Variants in KLHL1 observed in about 807,000 individuals in gnomAD.
KLHL1 encodes kelch-like protein 1.
In KLHL1, 47 loss-of-function variants were observed where a neutral mutation model predicts 77.7. That is an observed-to-expected ratio of 0.60 (90% CI 0.48 to 0.77). KLHL1 has a LOEUF of 0.77. Among genes scored for constraint, KLHL1 ranks in the 30% least tolerant of loss-of-function variants. KLHL1 has a pLI of 0.00. For synonymous variants in KLHL1, 360 were observed against 325.2 expected (o/e 1.11, Z -1.15); for missense variants, 925 against 910.8 (o/e 1.02, Z -0.20).
At chr13:69,814,440 A>C (rs936849408) in intron 6 of KLHL1, among the ~76,000 whole-genome samples, 1 of 152,186 alleles carries the variant, frequency 6.6e-6, no homozygotes, top group Non-Finnish European at 1.5e-5. Context: ...AAGCAAAAGA[A>C]ACTATCAACA....
At chr13:69,975,504 CTT>C in intron 2 of KLHL1, 114 bp downstream of exon 2, 5 of 934,606 alleles carry the variant, frequency 5.3e-6, no homozygotes, top group Non-Finnish European at 7.9e-6. Context: ...CAACAAAAAA[CTT>C]AAAAAAATGT....
chr13:69,832,688 G>A (rs751340260), intron 6 of KLHL1, among the ~76,000 whole-genome samples: 6 of 151,712 alleles, frequency 4.0e-5, no homozygotes, highest in Non-Finnish European at 5.9e-5. Flanking sequence ...AAGGCATCAC[G>A]TCACCCAACT....
At chr13:69,730,411 C>T (rs1038391708) in intron 8 of KLHL1, among the ~76,000 whole-genome samples, 4 of 151,956 alleles carry the variant, frequency 2.6e-5, no homozygotes, top group Admixed American at 1.3e-4. Flanking sequence ...AAAAACAATA[C>T]CAGGAATAAA....
At chr13:69,763,777 G>C (rs570767418) in intron 7 of KLHL1, among the ~76,000 whole-genome samples, 2 of 152,338 alleles carry the variant, frequency 1.3e-5, no homozygotes, top group Non-Finnish European at 2.9e-5. Context: ...GGAGTCACTA[G>C]TGCTAAATGC....
chr13:69,989,317 G>A (rs149048279), intron 1 of KLHL1, among the ~76,000 whole-genome samples: 20 of 151,840 alleles, frequency 1.3e-4, no homozygotes, highest in Admixed American at 3.3e-4. Context: ...TGGTCTATGC[G>A]TCTCTTTTTG....
intron 7 of KLHL1, among the ~76,000 whole-genome samples, chr13:69,750,957 A>G (rs1277222435): frequency 6.6e-6 from 1 of 152,068 alleles, no homozygotes; most frequent in Non-Finnish European, 1.5e-5. Context: ...GAGATGTTTA[A>G]AAGTTCCCTG....
intron 8 of KLHL1, among the ~76,000 whole-genome samples, chr13:69,730,444 G>C (rs1873492554): frequency 6.6e-6 from 1 of 152,010 alleles, no homozygotes; most frequent in South Asian, 2.1e-4. Flanking sequence ...AATGTAAATG[G>C]TAAGAAAAAG....
At chr13:69,723,460 C>T (rs1270899615) in intron 8 of KLHL1, among the ~76,000 whole-genome samples, 2 of 151,796 alleles carry the variant, frequency 1.3e-5, no homozygotes, top group Non-Finnish European at 2.9e-5. Context: ...TATTATGTGT[C>T]AATAACAAAA....
intron 3 of KLHL1, among the ~76,000 whole-genome samples, chr13:69,951,730 C>T (rs144650392): frequency 1.3e-5 from 2 of 151,418 alleles, no homozygotes; most frequent in African/African-American, 4.8e-5. Context: ...TCATATGTTA[C>T]CTCCTTACCT....
At chr13:70,091,680 C>T (rs2137442668) in intron 1 of KLHL1, among the ~76,000 whole-genome samples, 1 of 152,228 alleles carries the variant, frequency 6.6e-6, no homozygotes, top group East Asian at 1.9e-4. Flanking sequence ...CATGTTAGAA[C>T]CTTTTTCATT....
chr13:70,053,350 G>A (rs1402208868), intron 1 of KLHL1, among the ~76,000 whole-genome samples: 2 of 152,136 alleles, frequency 1.3e-5, no homozygotes, highest in South Asian at 2.1e-4. Context: ...AGCATAATAT[G>A]TGGCATTAAG....
chr13:70,031,574 C>T (rs1320389541), intron 1 of KLHL1, among the ~76,000 whole-genome samples: 8 of 152,032 alleles, frequency 5.3e-5, no homozygotes. Flanking sequence ...ATTGTGGTTC[C>T]CAAATACCAG....
intron 1 of KLHL1, among the ~76,000 whole-genome samples, chr13:69,997,313 A>C (rs1278740285): frequency 6.6e-6 from 1 of 151,798 alleles, no homozygotes; most frequent in Non-Finnish European, 1.5e-5. Flanking sequence ...TTTTGGTAAG[A>C]ATATTCAAGG....
chr13:69,878,711 TAGAG>T lies in KLHL1; in HGVS notation c.1227+3568_1227+3571del, dbSNP rs988830315. ...ATGTGTGTATGCATATATATATATA[TAGAG>T]AGAGAGAGAGAGAGAGAGAGTGAGA... On this transcript the variant is annotated intron_variant, in intron 5 of 10. Coordinates refer to ENST00000377844, the MANE Select transcript of KLHL1 (RefSeq NM_020866.3). 3.0e-3 allele frequency among the ~76,000 whole-genome samples: 433 copies of T among 143,580 alleles called. 3 individuals are homozygous for T. The highest frequency in any genetic ancestry group is 3.5e-3 in the Admixed American group (51 of 14,452). The allele number at this position is 143,580 out of a possible 152,430, so 94.2% of individuals were successfully genotyped here.
At chr13:69,979,653 C>A (rs1052235419) in intron 1 of KLHL1, among the ~76,000 whole-genome samples, 10 of 152,046 alleles carry the variant, frequency 6.6e-5, no homozygotes, top group Non-Finnish European at 1.0e-4. Context: ...TCTTTCCAAT[C>A]GAAGAGTCCC....
At chr13:70,037,478 G>C (rs921564594) in intron 1 of KLHL1, among the ~76,000 whole-genome samples, 1 of 151,610 alleles carries the variant, frequency 6.6e-6, no homozygotes, top group African/African-American at 2.4e-5. Context: ...TTATATACCC[G>C]GCTTTATTTC....
rs1369285950 is a variant in KLHL1 at position 69,780,710 on chromosome 13, A to G, written c.1639+16028T>C. Among the ~76,000 whole-genome samples, 53 of 39,552 alleles carry G rather than the reference A, an allele frequency of 1.3e-3. 3 individuals are homozygous for G. Among genetic ancestry groups the G allele is most frequent in the East Asian group, 8.1e-3 (16 of 1,964 alleles). 25.9% of individuals were successfully genotyped at this position (39,552 alleles called of 152,430 possible). On this transcript the variant is annotated intron_variant, in intron 7 of 10. Transcript: ENST00000377844. The stretch of plus-strand genomic sequence containing the variant: ...CATATATATATATATATGTATATAT[A>G]TATATGTATATATATATATATACAT...
intron 7 of KLHL1, among the ~76,000 whole-genome samples, chr13:69,742,606 A>G (rs1874032099): frequency 6.6e-6 from 1 of 152,246 alleles, no homozygotes; most frequent in South Asian, 2.1e-4. Flanking sequence ...CTAAAATGGA[A>G]TAAGTACATT....
chr13:70,096,827 G>A (rs971272682), intron 1 of KLHL1, among the ~76,000 whole-genome samples: 1 of 151,700 alleles, frequency 6.6e-6, no homozygotes, highest in South Asian at 2.1e-4. Context: ...CCTATTGCAG[G>A]GAAAGCATAG....
Sources: gnomAD v4.1 joint callset for allele counts (sites outside exome capture counted in the v4.1 genomes callset) on GRCh38, gnomAD v4.1.1 for gene constraint, MANE v1.5 for transcripts, NCBI Gene and HGNC (gene_info 2026-07-23, HGNC 2026-07-21) for gene names.